CDC73: variants seen among roughly 807,000 people sequenced by gnomAD.
CDC73 encodes cell division cycle 73, also known as parafibromin.
A neutral mutation model predicts 83.7 loss-of-function variants in CDC73; 21 were observed. The observed-to-expected ratio is 0.25, with a 90% CI of 0.18 to 0.36. The LOEUF (loss-of-function observed/expected upper bound fraction) is 0.36. CDC73 is among the 10% of genes least tolerant of loss of function. The probability of loss-of-function intolerance (pLI) is 1.00; values close to 1 mark genes in which losing one functional copy is unlikely to be tolerated. For synonymous variants in CDC73, 224 were observed against 212.9 expected, an observed-to-expected ratio of 1.05 and a Z score of -0.45; for missense variants, 342 against 653.3, an observed-to-expected ratio of 0.52 and a Z score of 5.19.
intron 10 of CDC73, among the ~76,000 whole-genome samples, chr1:193,167,407 C>T (rs12123793): frequency 0.04 from 6,027 of 152,164 alleles, 116 homozygotes; most frequent in Middle Eastern, 0.048. Context: ...GTATTAGTAA[C>T]ATGTTAACAA....
intron 16 of CDC73, 60 bp downstream of exon 16, chr1:193,249,931 A>G: frequency 6.5e-7 from 1 of 1,532,324 alleles, no homozygotes; most frequent in Non-Finnish European, 9.0e-7. Flanking sequence ...TGTCTCAGTT[A>G]AATTTTAAGT....
At chr1:193,180,908 C>G (rs368908280) in intron 10 of CDC73, 1 of 1,613,714 alleles carries the variant, frequency 6.2e-7, no homozygotes, top group Non-Finnish European at 8.5e-7. Context: ...TCTAAGTATT[C>G]CTGTTGAATT....
rs1251195586 is a variant in CDC73 at position 193,180,122 on chromosome 1, TATA to T, written c.973-23670_973-23668del. 19 of 562,200 alleles carry T rather than the reference TATA, an allele frequency of 3.4e-5. No homozygotes were observed. In the East Asian group the frequency reaches 5.6e-4, roughly 17 times the overall value. The allele number at this position is 562,200 out of a possible 1,614,324, so 34.8% of individuals were successfully genotyped here. Reference sequence around the variant, plus strand: ...TTGTTTTGGGAAACCTTTTTTGTTATATAATGTTATAGTTTTAAGAATTAACTT... The same window carrying T: ...TTGTTTTGGGAAACCTTTTTTGTTATATGTTATAGTTTTAAGAATTAACTT... On this transcript the variant is annotated intron_variant, in intron 10 of 16. Coordinates refer to ENST00000367435, the MANE Select transcript of CDC73 (RefSeq NM_024529.5).
chr1:193,147,553 G>C (rs113949787), intron 7 of CDC73, among the ~76,000 whole-genome samples: 2 of 151,982 alleles, frequency 1.3e-5, no homozygotes, highest in Non-Finnish European at 2.9e-5. Context: ...ATTTTTAGTA[G>C]AGACGGGGTT....
intron 13 of CDC73, among the ~76,000 whole-genome samples, chr1:193,214,442 G>T (rs773099090): frequency 6.6e-6 from 1 of 152,190 alleles, no homozygotes; most frequent in Non-Finnish European, 1.5e-5. Context: ...TATTGGCTGG[G>T]CACGGTGGCT....
intron 10 of CDC73, among the ~76,000 whole-genome samples, chr1:193,188,150 T>G (rs1477954708): frequency 6.6e-6 from 1 of 152,230 alleles, no homozygotes; most frequent in Non-Finnish European, 1.5e-5. Context: ...GAGTATTTAC[T>G]GAAAATCAGA....
chr1:193,207,520 G>A (rs1392591449), intron 11 of CDC73, among the ~76,000 whole-genome samples: 3 of 152,054 alleles, frequency 2.0e-5, no homozygotes, highest in African/African-American at 7.2e-5. Context: ...GCCCTTTATA[G>A]ACCTCCCCCC....
chr1:193,210,578 A>G (rs963424781), intron 11 of CDC73, among the ~76,000 whole-genome samples: 55 of 152,308 alleles, frequency 3.6e-4, no homozygotes, highest in African/African-American at 1.2e-3. Context: ...TTAAAAGTTC[A>G]TTGTATATAA....
At chr1:193,188,198 C>T (rs1676853156) in intron 10 of CDC73, among the ~76,000 whole-genome samples, 2 of 152,134 alleles carry the variant, frequency 1.3e-5, no homozygotes, top group Non-Finnish European at 2.9e-5. Flanking sequence ...ATGCAAATGG[C>T]TCTTTTCTAA....
intron 3 of CDC73, 111 bp downstream of exon 3, chr1:193,130,354 T>A (rs1002115621): frequency 6.5e-6 from 5 of 773,966 alleles, no homozygotes; most frequent in Non-Finnish European, 1.1e-5. Flanking sequence ...AAAATTAACC[T>A]ACCTTCATTT....
intron 10 of CDC73, chr1:193,180,356 T>A: frequency 6.2e-7 from 1 of 1,611,460 alleles, no homozygotes; most frequent in Non-Finnish European, 8.5e-7. Flanking sequence ...GCACAGGCAT[T>A]GTGCTTATTT....
chr1:193,239,809 C>T (rs977972370), intron 15 of CDC73, among the ~76,000 whole-genome samples: 2 of 152,072 alleles, frequency 1.3e-5, no homozygotes, highest in Admixed American at 6.5e-5. Context: ...TAAGTATAGC[C>T]TCCTACTCTG....
chr1:193,122,226 G>A lies in CDC73; in HGVS notation c.26G>A (p.Arg9Gln), dbSNP rs2103111603. ...ATGGCGGACGTGCTTAGCGTCCTGC[G>A]ACAGTACAACATCCAGAAGAAGGAG... is the stretch of plus-strand genomic sequence containing the variant. MADVLSVL[R>Q]QYNIQKKEIV... is the part of the protein sequence containing the mutation. Residue 9 changes from arginine to glutamine, a missense_variant, in exon 1 of 17, where the codon CGA (arginine) becomes CAA (glutamine). Transcript: ENST00000367435. 6.2e-7 allele frequency: 1 copy of A among 1,614,220 alleles called. No homozygotes were observed. The highest frequency in any genetic ancestry group is 8.5e-7 in the Non-Finnish European group (1 of 1,180,026).
At chr1:193,225,928 A>G (rs1395392534) in intron 13 of CDC73, among the ~76,000 whole-genome samples, 2 of 151,920 alleles carry the variant, frequency 1.3e-5, no homozygotes. Flanking sequence ...AGCCATTTAT[A>G]TTTGTTTTTA....
intron 13 of CDC73, among the ~76,000 whole-genome samples, chr1:193,214,319 G>A (rs771865015): frequency 2.0e-5 from 3 of 152,182 alleles, no homozygotes; most frequent in Non-Finnish European, 1.5e-5. Flanking sequence ...CAGTGTACCA[G>A]ATAGTATAAC....
intron 9 of CDC73, 82 bp from the exon 10 acceptor site, chr1:193,152,298 T>C: frequency 1.2e-6 from 1 of 850,390 alleles, no homozygotes; most frequent in South Asian, 1.4e-5. Flanking sequence ...ACATTCAATG[T>C]AGATTATTAC....
intron 10 of CDC73, among the ~76,000 whole-genome samples, chr1:193,194,616 T>C (rs368572781): frequency 5.1e-4 from 77 of 152,246 alleles, no homozygotes; most frequent in African/African-American, 1.7e-3. Flanking sequence ...CCCTAAGATA[T>C]GAGATCATTA....
At chr1:193,161,100 C>G (rs141017639) in intron 10 of CDC73, 1 of 173,180 alleles carries the variant, frequency 5.8e-6, no homozygotes, top group Non-Finnish European at 1.3e-5. Flanking sequence ...ATCTTTAATT[C>G]TAAGTTTTGG....
At chr1:193,163,765 G>C (rs1676384502) in intron 10 of CDC73, among the ~76,000 whole-genome samples, 1 of 151,998 alleles carries the variant, frequency 6.6e-6, no homozygotes, top group Admixed American at 6.6e-5. Flanking sequence ...AGTGTAAAAA[G>C]GCTATAGTAT....
Sources: allele counts gnomAD v4.1 joint callset (sites outside exome capture counted in the v4.1 genomes callset), GRCh38; gene constraint gnomAD v4.1.1; transcripts MANE v1.5; gene names NCBI Gene and HGNC (gene_info 2026-07-23, HGNC 2026-07-21).